GALNTL6: variants seen among roughly 807,000 people sequenced by gnomAD.
GALNTL6 encodes polypeptide N-acetylgalactosaminyltransferase like 6, also known as polypeptide N-acetylgalactosaminyltransferase-like 6.
Under a neutral mutation model 73.7 loss-of-function variants are expected in GALNTL6, and 46 were observed. The observed-to-expected ratio is 0.62, with a 90% CI of 0.49 to 0.80. GALNTL6 has a LOEUF of 0.80. Among genes scored for constraint, GALNTL6 ranks in the 30% least tolerant of loss-of-function variants. GALNTL6 has a pLI of 0.00. For synonymous variants in GALNTL6, 259 were observed against 263.7 expected (o/e 0.98, Z 0.17); for missense variants, 604 against 755.0 (o/e 0.80, Z 2.34).
At chr4:172,880,393 AAGAC>A (rs1179069498) in intron 7 of GALNTL6, among the ~76,000 whole-genome samples, 8 of 152,094 alleles carry the variant, frequency 5.3e-5, no homozygotes, top group Non-Finnish European at 1.2e-4. Context: ...TGAATGGAAG[AAGAC>A]AGACCCCCCA....
At chr4:172,949,921 GA>G (rs1165571186) in intron 9 of GALNTL6, among the ~76,000 whole-genome samples, 2 of 142,692 alleles carry the variant, frequency 1.4e-5, no homozygotes, top group African/African-American at 5.2e-5. Context: ...AAAAAAAAAA[GA>G]AAAAAAGAAA....
Position 172,475,942 on chromosome 4 carries a change from T to C in GALNTL6, c.553+127253T>C, listed in dbSNP as rs142738029. On this transcript the variant is annotated intron_variant, in intron 5 of 12. Coordinates refer to ENST00000506823, the MANE Select transcript of GALNTL6 (RefSeq NM_001034845.3). Reference sequence around the variant, plus strand: ...TATTCCTTTATGCTAATTTGCCTTTTGCAGCATTTACTTGCATCTGGATGC... The same window carrying C: ...TATTCCTTTATGCTAATTTGCCTTTCGCAGCATTTACTTGCATCTGGATGC... Among the ~76,000 whole-genome samples the C allele has an allele frequency of 9.2e-5, 14 of 152,366 alleles. No individual in the cohort carries two copies. In the East Asian group the frequency reaches 2.7e-3, roughly 29 times the overall value.
chr4:172,197,251 C>T (rs1560965039), intron 2 of GALNTL6, among the ~76,000 whole-genome samples: 1 of 150,686 alleles, frequency 6.6e-6, no homozygotes, highest in Non-Finnish European at 1.5e-5. Flanking sequence ...AATACCTCTT[C>T]AAGAAGAACT....
chr4:172,067,366 CT>C (rs1033217361), intron 2 of GALNTL6, among the ~76,000 whole-genome samples: 1 of 151,990 alleles, frequency 6.6e-6, no homozygotes, highest in African/African-American at 2.4e-5. Flanking sequence ...CTTTCTGTTT[CT>C]TTCCTATCTC....
Position 172,511,818 on chromosome 4 carries a change from G to C in GALNTL6, c.553+163129G>C, listed in dbSNP as rs1163193532. Among the ~76,000 whole-genome samples the C allele has an allele frequency of 3.7e-5, 2 of 54,410 alleles. 1 individual carries two copies. The highest frequency in any genetic ancestry group is 9.1e-5 in the African/African-American group (2 of 21,866). 35.7% of individuals were successfully genotyped at this position (54,410 alleles called of 152,430 possible). ...CTGAGAGAGTACTTGATATAATTTT[G>C]GCTCTCTTAAATTTATTGAAACTTG... On this transcript the variant is annotated intron_variant, in intron 5 of 12. Transcript: ENST00000506823.
chr4:172,616,992 C>T (rs1738763777), intron 5 of GALNTL6, among the ~76,000 whole-genome samples: 1 of 152,028 alleles, frequency 6.6e-6, no homozygotes, highest in Non-Finnish European at 1.5e-5. Flanking sequence ...ATCTGGGTTT[C>T]CAGGTCTCAA....
At chr4:171,875,196 T>C (rs1235665128) in intron 2 of GALNTL6, among the ~76,000 whole-genome samples, 2 of 152,194 alleles carry the variant, frequency 1.3e-5, no homozygotes, top group East Asian at 3.9e-4. Flanking sequence ...CCTTGGTTCT[T>C]GTCTTCTTGG....
intron 5 of GALNTL6, among the ~76,000 whole-genome samples, chr4:172,546,296 C>G (rs981871527): frequency 3.9e-5 from 6 of 152,038 alleles, no homozygotes; most frequent in Non-Finnish European, 7.4e-5. Flanking sequence ...TTATTGAGGT[C>G]CTACAGTATT....
chr4:172,896,916 CA>C (rs1746360907), intron 8 of GALNTL6, among the ~76,000 whole-genome samples: 1 of 151,172 alleles, frequency 6.6e-6, no homozygotes, highest in African/African-American at 2.4e-5. Context: ...GCATGCCTGT[CA>C]AAATGGCTCA....
At chr4:172,321,394 T>C (rs149343349) in intron 4 of GALNTL6, among the ~76,000 whole-genome samples, 6 of 152,248 alleles carry the variant, frequency 3.9e-5, no homozygotes, top group African/African-American at 1.4e-4. Flanking sequence ...CAAAAACTTA[T>C]AAGCCATGCA....
chr4:172,904,179 T>C (rs537066380), intron 8 of GALNTL6, among the ~76,000 whole-genome samples: 1 of 152,340 alleles, frequency 6.6e-6, no homozygotes, highest in South Asian at 2.1e-4. Flanking sequence ...GCACTGCCTT[T>C]GAGGTAAGCA....
chr4:171,908,609 A>G (rs1737375301), intron 2 of GALNTL6, among the ~76,000 whole-genome samples: 1 of 151,312 alleles, frequency 6.6e-6, no homozygotes, highest in African/African-American at 2.5e-5. Flanking sequence ...ATCTAGAACT[A>G]GAAATACCAT....
intron 5 of GALNTL6, among the ~76,000 whole-genome samples, chr4:172,570,616 A>G (rs1736724636): frequency 6.6e-6 from 1 of 152,160 alleles, no homozygotes; most frequent in Non-Finnish European, 1.5e-5. Context: ...AGTGGACCCC[A>G]ACCTTTATGG....
chr4:172,630,065 A>G (rs566669942), intron 5 of GALNTL6, among the ~76,000 whole-genome samples: 82 of 152,236 alleles, frequency 5.4e-4, no homozygotes, highest in African/African-American at 1.9e-3. Context: ...CTCCTGAGAC[A>G]ATTTTTTTCA....
intron 12 of GALNTL6, among the ~76,000 whole-genome samples, chr4:173,028,253 G>C (rs1176211558): frequency 6.6e-6 from 1 of 152,124 alleles, no homozygotes; most frequent in Admixed American, 6.5e-5. Context: ...AAAAGCACCA[G>C]GTATCAAAAC....
At chr4:172,923,756 C>T (rs569939356) in intron 8 of GALNTL6, among the ~76,000 whole-genome samples, 1 of 151,728 alleles carries the variant, frequency 6.6e-6, no homozygotes, top group Admixed American at 6.5e-5. Context: ...GGAGGCCTCA[C>T]TATCATGGTG....
intron 2 of GALNTL6, among the ~76,000 whole-genome samples, chr4:172,218,954 CAAATT>C (rs1303876402): frequency 1.3e-5 from 2 of 151,190 alleles, no homozygotes; most frequent in Non-Finnish European, 3.0e-5. Context: ...ACAAGCAAAT[CAAATT>C]AATCTTACAA....
At chr4:172,524,965 G>C (rs1042638210) in intron 5 of GALNTL6, among the ~76,000 whole-genome samples, 8 of 152,114 alleles carry the variant, frequency 5.3e-5, no homozygotes, top group African/African-American at 1.7e-4. Context: ...TTTCAAGTAT[G>C]ATATGAGGTA....
chr4:172,082,897 G>A (rs1310854024), intron 2 of GALNTL6, among the ~76,000 whole-genome samples: 1 of 152,096 alleles, frequency 6.6e-6, no homozygotes, highest in Non-Finnish European at 1.5e-5. Flanking sequence ...TTTATTGGCT[G>A]AATTCTTTTT....
Sources: gnomAD v4.1 joint callset for allele counts (sites outside exome capture counted in the v4.1 genomes callset) on GRCh38, gnomAD v4.1.1 for gene constraint, MANE v1.5 for transcripts, NCBI Gene and HGNC (gene_info 2026-07-23, HGNC 2026-07-21) for gene names.